The following COG2 variants were observed in gnomAD, a reference collection of about 807,000 sequenced individuals.
COG2 encodes the protein component of oligomeric golgi complex 2.
COG2 carries 52 observed loss-of-function variants against 90.6 expected under a neutral mutation model. That is an observed-to-expected ratio of 0.57 (90% CI 0.46 to 0.72). The LOEUF (loss-of-function observed/expected upper bound fraction) is 0.72, where lower values mean the gene tolerates loss of function less well. Among genes scored for constraint, COG2 ranks in the 30% least tolerant of loss-of-function variants. COG2 has a pLI of 0.00. For missense variants in COG2, 829 were observed against 891.2 expected (o/e 0.93, Z 0.89); for synonymous variants, 337 against 320.4 (o/e 1.05, Z -0.55).
chr1:230,656,851 T>C (rs1488715115), intron 1 of COG2, among the ~76,000 whole-genome samples: 4 of 152,236 alleles, frequency 2.6e-5, no homozygotes, highest in Non-Finnish European at 4.4e-5. Context: ...TTTTGATCTT[T>C]GTTGGTTTAA....
rs1007505186 is a variant in COG2 at position 230,693,549 on chromosome 1, A to G, written c.*156A>G. On this transcript the variant is annotated 3_prime_UTR_variant, in exon 18 of 18. Transcript: ENST00000366669. ...GCAACACGCCCATGCGTCTTCTCTC[A>G]GCGTATTTGGGTCTTCTTTGCCCAA... 10 of 510,182 alleles carry G rather than the reference A, an allele frequency of 2.0e-5. No homozygotes were observed. Among genetic ancestry groups the G allele is most frequent in the African/African-American group, 1.8e-4 (9 of 51,328 alleles). 31.6% of individuals were successfully genotyped at this position (510,182 alleles called of 1,614,324 possible).
rs1421901609 is a variant in COG2, at chr1:230,689,261, ATAT to A, written c.1794+703_1794+705del. Among the ~76,000 whole-genome samples, 171 of 152,304 alleles carry A rather than the reference ATAT, an allele frequency of 1.1e-3. 2 individuals are homozygous for A. Among genetic ancestry groups the A allele is most frequent in the African/African-American group, 3.9e-3 (164 of 41,570 alleles). On this transcript the variant is annotated intron_variant, in intron 15 of 17. Coordinates refer to ENST00000366669, the MANE Select transcript of COG2 (RefSeq NM_007357.3). Reference sequence around the variant, plus strand: ...AAGGATGTGCATAGGTTATATGCAAATATTATGCCATTTTATATTTGCTCAATA... The same window carrying A: ...AAGGATGTGCATAGGTTATATGCAAATATGCCATTTTATATTTGCTCAATA...
intron 5 of COG2, among the ~76,000 whole-genome samples, chr1:230,667,203 A>G (rs1379728224): frequency 6.6e-6 from 1 of 152,200 alleles, no homozygotes; most frequent in East Asian, 1.9e-4. Context: ...AAAGATAACC[A>G]AACGTCTCCC....
At chr1:230,671,370 C>G in intron 7 of COG2, 146 bp from the exon 8 acceptor site, 1 of 627,400 alleles carries the variant, frequency 1.6e-6, no homozygotes, top group Non-Finnish European at 2.7e-6. Flanking sequence ...CTGTTATTTA[C>G]TTCACTGTTT....
At chr1:230,645,584 T>A (rs777872054) in intron 1 of COG2, among the ~76,000 whole-genome samples, 5 of 152,200 alleles carry the variant, frequency 3.3e-5, no homozygotes, top group Non-Finnish European at 5.9e-5. Context: ...AATTTTTCCA[T>A]GGACCAGGAG....
intron 7 of COG2, 75 bp downstream of exon 7, chr1:230,669,610 TAAG>T (rs1186709638): frequency 3.8e-6 from 5 of 1,313,192 alleles, no homozygotes; most frequent in African/African-American, 1.5e-5. Flanking sequence ...GTGAGGAAGA[TAAG>T]AAGAGAGAAC....
At chr1:230,664,194 A>T (rs1662257243) in intron 4 of COG2, among the ~76,000 whole-genome samples, 1 of 152,102 alleles carries the variant, frequency 6.6e-6, no homozygotes, top group Non-Finnish European at 1.5e-5. Flanking sequence ...GTCCTAAAAA[A>T]GATGGGGAAA....
At chr1:230,642,945 ACTGTTACCCGTTC>A in intron 1 of COG2, 1 of 477,136 alleles carries the variant, frequency 2.1e-6, no homozygotes, top group Non-Finnish European at 3.7e-6. Context: ...TGTCAAAGCC[ACTGTTACCCGTTC>A]CTGTTACCAT....
intron 10 of COG2, chr1:230,682,560 C>T (rs1292299017): frequency 6.6e-6 from 1 of 152,218 alleles, no homozygotes; most frequent in Non-Finnish European, 1.5e-5. Context: ...ACAGGATAGC[C>T]TTAGTGTCTT....
At chr1:230,687,194 T>C (rs979132343) in intron 13 of COG2, 62 bp downstream of exon 13, 3 of 1,481,562 alleles carry the variant, frequency 2.0e-6, no homozygotes, top group Admixed American at 1.8e-5. Flanking sequence ...GAAGGTAGTA[T>C]GTGTAAAAGG....
At chr1:230,652,453 C>G (rs1661936957) in intron 1 of COG2, among the ~76,000 whole-genome samples, 1 of 152,114 alleles carries the variant, frequency 6.6e-6, no homozygotes, top group African/African-American at 2.4e-5. Flanking sequence ...ATCTATTTAC[C>G]TATTGAAAGA....
chr1:230,657,733 A>G (rs950622870), intron 1 of COG2, among the ~76,000 whole-genome samples: 1 of 152,038 alleles, frequency 6.6e-6, no homozygotes, highest in Admixed American at 6.6e-5. Context: ...CTTTTCATCT[A>G]GTCCCATATT....
intron 1 of COG2, among the ~76,000 whole-genome samples, chr1:230,647,506 G>C (rs530751776): frequency 2.6e-5 from 4 of 152,120 alleles, no homozygotes; most frequent in Admixed American, 1.3e-4. Flanking sequence ...TGGCCTCTGC[G>C]GGCTTCAGTT....
chr1:230,688,002 C>G, intron 13 of COG2, 69 bp from the exon 14 acceptor site: 1 of 1,039,882 alleles, frequency 9.6e-7, no homozygotes, highest in South Asian at 1.6e-5. Context: ...TTTGTAGATG[C>G]AAATAGAATT....
At chr1:230,646,278 A>C (rs1661774707) in intron 1 of COG2, among the ~76,000 whole-genome samples, 1 of 151,984 alleles carries the variant, frequency 6.6e-6, no homozygotes, top group Non-Finnish European at 1.5e-5. Flanking sequence ...TCCACTAAAG[A>C]CTTCTCACCA....
At chr1:230,650,276 G>C (rs1237688179) in intron 1 of COG2, among the ~76,000 whole-genome samples, 2 of 152,044 alleles carry the variant, frequency 1.3e-5, no homozygotes, top group Non-Finnish European at 2.9e-5. Flanking sequence ...TTAGTTCTTT[G>C]AGAAGTCGCC....
At chr1:230,672,664 T>TA (rs11297922) in intron 8 of COG2, among the ~76,000 whole-genome samples, 74 of 146,522 alleles carry the variant, frequency 5.1e-4, no homozygotes, top group African/African-American at 1.2e-3. Context: ...AACCCCATCT[T>TA]AAAAAAAAAA....
intron 8 of COG2, among the ~76,000 whole-genome samples, chr1:230,672,036 T>C (rs1304013364): frequency 6.6e-6 from 1 of 152,246 alleles, no homozygotes; most frequent in East Asian, 1.9e-4. Flanking sequence ...CTTCAATTTT[T>C]CCTCCTTTTG....
At chr1:230,648,424 A>G (rs1661840747) in intron 1 of COG2, among the ~76,000 whole-genome samples, 1 of 152,240 alleles carries the variant, frequency 6.6e-6, no homozygotes, top group Non-Finnish European at 1.5e-5. Flanking sequence ...TCAGTTTGCA[A>G]CACAAATAAA....
Sources: gnomAD v4.1 joint callset for allele counts (sites outside exome capture counted in the v4.1 genomes callset) on GRCh38, gnomAD v4.1.1 for gene constraint, MANE v1.5 for transcripts, NCBI Gene and HGNC (gene_info 2026-07-23, HGNC 2026-07-21) for gene names.